The following DUSP15 variants were observed in gnomAD, a reference collection of about 807,000 sequenced individuals.
DUSP15 encodes dual specificity phosphatase 15.
In DUSP15, 23 loss-of-function variants were observed where a neutral mutation model predicts 26.3. The observed-to-expected ratio is 0.87, with a 90% CI of 0.63 to 1.24. DUSP15 has a LOEUF of 1.24. DUSP15 is among the 50% of genes most tolerant of loss of function. The pLI is 0.00. For synonymous variants in DUSP15, 143 were observed against 135.5 expected (o/e 1.06, Z -0.39); for missense variants, 364 against 320.6 (o/e 1.14, Z -1.03).
At chr20:31,858,155 C>T (rs2062591862), downstream of DUSP15, among the ~76,000 whole-genome samples, 1 of 152,210 alleles carries the variant, frequency 6.6e-6, no homozygotes, top group Admixed American at 6.5e-5. The surrounding 1 kb of genome is among the most constrained non-coding windows in gnomAD (Gnocchi z 4.4). Context: ...CTGAAGAGTG[C>T]TGAGTCCTGT....
rs1411894721 is a variant in DUSP15, at chr20:31,870,479, C to T, written c.-142G>A. ...CTGGCGTCCGCGGCCCTGCCCAGCC[C>T]TGCCCAGCCACCGCCACCGCCCGCC... On this transcript the variant is annotated 5_prime_UTR_variant, in exon 1 of 7. Coordinates refer to ENST00000339738, the MANE Select transcript of DUSP15 (RefSeq NM_080611.5). The surrounding 1 kb of genome is among the most constrained non-coding windows in gnomAD (Gnocchi z 6.6). The T allele has an allele frequency of 3.7e-6, 5 of 1,367,512 alleles. No homozygotes were observed. Among genetic ancestry groups the T allele is most frequent in the Non-Finnish European group, 4.7e-6 (5 of 1,065,166 alleles). The allele number at this position is 1,367,512 out of a possible 1,614,324, so 84.7% of individuals were successfully genotyped here.
Position 31,870,300 on chromosome 20 carries a change from C to T in DUSP15, c.21+17G>A. 1 of 1,236,756 alleles carries T rather than the reference C, an allele frequency of 8.1e-7. No individual in the cohort carries two copies. Among genetic ancestry groups the T allele is most frequent in the Non-Finnish European group, 1.0e-6 (1 of 990,478 alleles). 76.6% of individuals were successfully genotyped at this position (1,236,756 alleles called of 1,614,324 possible). ...CGGGGCGGGGACCGGGGAGGCTGCG[C>T]GGGGCCCGCCCCCTACCTTGGTCAT... is the stretch of plus-strand genomic sequence containing the variant. On this transcript the variant is annotated intron_variant, in intron 1 of 6. Transcript: ENST00000339738. This position sits in a 1 kb window ranked among gnomAD's most constrained non-coding sequence, Gnocchi z 6.6.
intron 2 of DUSP15, among the ~76,000 whole-genome samples, chr20:31,867,639 T>TTG (rs1458044554): frequency 1.2e-3 from 48 of 41,552 alleles, no homozygotes; most frequent in African/African-American, 4.4e-3. Context: ...ATGTTTTTTT[T>TTG]TTTTTTTTTT....
chr20:31,861,738 G>GGGGGGCCCCCC, intron 6 of DUSP15, 63 bp from the exon 7 acceptor site: 1 of 1,290,716 alleles, frequency 7.7e-7, no homozygotes, highest in Non-Finnish European at 1.0e-6. Flanking sequence ...AAGGCAGCCG[G>GGGGGGCCCCCC]CCCCGCCCCC....
Position 31,861,467 on chromosome 20 carries a change from A to AGCAGCG in DUSP15, c.638_643dup (p.Pro213_Leu214dup). On this transcript the variant is annotated inframe_insertion, in exon 7 of 7. Transcript: ENST00000339738. ...AGAGAAAGTCTGCTTGACGCGCGCC[A>AGCAGCG]GCAGCGGCAGCGGCCGGTGGGCTTC... is the stretch of plus-strand genomic sequence containing the variant. 3.9e-6 allele frequency: 6 copies of AGCAGCG among 1,546,846 alleles called. No homozygotes were observed. The highest frequency in any genetic ancestry group is 1.2e-5 in the South Asian group (1 of 84,186).
At chr20:31,851,648 T>G (rs998367292) in intron 6 of DUSP15, among the ~76,000 whole-genome samples, 2 of 151,824 alleles carry the variant, frequency 1.3e-5, no homozygotes, top group Admixed American at 1.3e-4. Context: ...TCTGGAGGGA[T>G]GAGGTAAATG....
At chr20:31,864,246 C>T in intron 4 of DUSP15, 1 of 1,211,422 alleles carries the variant, frequency 8.3e-7, no homozygotes, top group Non-Finnish European at 1.0e-6. Context: ...CCTGTGGACC[C>T]TGTTTTCATG....
Position 31,863,962 on chromosome 20 carries a change from AT to A in DUSP15, c.207del (p.Glu69AspfsTer31). On this transcript the variant is annotated frameshift_variant, in exon 5 of 7. Transcript: ENST00000339738. LOFTEE classifies it high-confidence loss of function. ...CGGCAGCAGTGGATGAAGTTGATAC[AT>A]TCTTTGAAGTGCTTTTTGCTAGAGG... The part of the protein sequence containing the change: ...PEVPIKKHFK[E>X]CINFIHCCRL... The A allele has an allele frequency of 6.2e-7, 1 of 1,614,004 alleles. No individual in the cohort carries two copies. The highest frequency in any genetic ancestry group is 8.5e-7 in the Non-Finnish European group (1 of 1,179,956).
exon 10 of DUSP15, chr20:31,848,392 TG>T: frequency 3.1e-6 from 5 of 1,609,288 alleles, no homozygotes; most frequent in Non-Finnish European, 4.2e-6. Flanking sequence ...GCCCCCCTGT[TG>T]GGGGCTGCCT....
intron 3 of DUSP15, among the ~76,000 whole-genome samples, chr20:31,865,472 T>C (rs939409567): frequency 1.1e-4 from 17 of 152,184 alleles, no homozygotes; most frequent in African/African-American, 4.1e-4. Context: ...AGGAATAAAT[T>C]GTCAGGAATT....
Position 31,865,150 on chromosome 20 carries a change from G to T in DUSP15, c.139-148C>A, listed in dbSNP as rs574575131. 1.2e-4 allele frequency: 104 copies of T among 843,432 alleles called. No homozygotes were observed. In the African/African-American group the frequency reaches 1.7e-3, roughly 14 times the overall value. The allele number at this position is 843,432 out of a possible 1,614,324, so 52.2% of individuals were successfully genotyped here. A position where few individuals can be genotyped will look rare whatever the true frequency, so the allele number is the denominator to read the frequency against. The stretch of plus-strand genomic sequence containing the variant: ...TCCTCTCTGTCCAAAGAAAGTAGTT[G>T]TCATCTCTGAGGCCTCCCAGCTGTG... On this transcript the variant is annotated intron_variant, in intron 3 of 6. Transcript: ENST00000339738.
intron 3 of DUSP15, 133 bp from the exon 4 acceptor site, chr20:31,865,135 C>A: frequency 1.1e-6 from 1 of 939,876 alleles, no homozygotes; most frequent in Non-Finnish European, 1.7e-6. Context: ...TCCTCTCTGT[C>A]CAAAGAAAGT....
intron 2 of DUSP15, among the ~76,000 whole-genome samples, chr20:31,869,116 C>G (rs1408529024): frequency 6.6e-6 from 1 of 152,176 alleles, no homozygotes; most frequent in African/African-American, 2.4e-5. Context: ...GGAAGAGTTC[C>G]CAGCTTCCCC....
At chr20:31,859,432 C>T (rs1355742274), downstream of DUSP15, among the ~76,000 whole-genome samples, 2 of 152,222 alleles carry the variant, frequency 1.3e-5, no homozygotes, top group Non-Finnish European at 2.9e-5. Context: ...ATGCCCCCCA[C>T]TCCCTGCACC....
chr20:31,869,850 G>A, intron 1 of DUSP15: 1 of 1,415,496 alleles, frequency 7.1e-7, no homozygotes, highest in South Asian at 1.5e-5. Context: ...TGAGAGGGGA[G>A]AGGAGGAAGG....
chr20:31,854,754 G>C (rs2062534120), intron 6 of DUSP15, among the ~76,000 whole-genome samples: 1 of 152,160 alleles, frequency 6.6e-6, no homozygotes, highest in African/African-American at 2.4e-5. Context: ...CTGGGTGTGT[G>C]TGTCTGAGGG....
downstream of DUSP15, among the ~76,000 whole-genome samples, chr20:31,856,820 G>A (rs984795839): frequency 2.0e-5 from 3 of 152,012 alleles, no homozygotes; most frequent in African/African-American, 7.2e-5. Flanking sequence ...GTTCAGAAGT[G>A]AGTGCTGGGA....
chr20:31,848,259 G>A, exon 10 of DUSP15: 3 of 901,916 alleles, frequency 3.3e-6, no homozygotes, highest in Non-Finnish European at 4.8e-6. Flanking sequence ...GAGTTCCGGG[G>A]CCCCGTGACA....
exon 7 of DUSP15, chr20:31,850,638 T>C (rs372616789): frequency 2.2e-5 from 35 of 1,611,862 alleles, no homozygotes; most frequent in Admixed American, 3.3e-5. Flanking sequence ...TCGGAGGGCA[T>C]TGGGCACCAG....
Sources: allele counts gnomAD v4.1 joint callset (sites outside exome capture counted in the v4.1 genomes callset), GRCh38; gene constraint gnomAD v4.1.1; non-coding constraint Gnocchi (gnomAD v3.1); transcripts MANE v1.5; gene names NCBI Gene and HGNC (gene_info 2026-07-23, HGNC 2026-07-21).